The following CADM2 variants were observed in gnomAD, a reference collection of about 807,000 sequenced individuals.
The protein encoded by CADM2 is immunoglobulin superfamily member 4D.
In CADM2, 12 loss-of-function variants were observed where a neutral mutation model predicts 49.8. That is an observed-to-expected ratio of 0.24 (90% CI 0.15 to 0.39). CADM2 has a LOEUF of 0.39. Ranked by LOEUF, CADM2 falls within the 10% of genes least tolerant of loss-of-function variation. CADM2 has a pLI of 1.00. For synonymous variants in CADM2, 214 were observed against 175.4 expected (o/e 1.22, Z -1.74); for missense variants, 378 against 492.3 (o/e 0.77, Z 2.20).
In CADM2 at chr3:85,574,018, C is replaced by T. The variant is rs1223251497; in HGVS notation, c.62-152504C>T. Among the ~76,000 whole-genome samples the T allele has an allele frequency of 2.0e-5, 3 of 152,180 alleles. No individual in the cohort carries two copies. The East Asian group carries it at 5.8e-4, about 29-fold the overall frequency. On this transcript the variant is annotated intron_variant, in intron 1 of 9. Transcript: ENST00000383699. ...TTATTTCAGATTATGTCCAATGTAT[C>T]CATGAGACATTTCATCTGTCTCTCT... is the stretch of plus-strand genomic sequence containing the variant.
At chr3:85,677,304 A>C (rs1314766155) in intron 1 of CADM2, among the ~76,000 whole-genome samples, 1 of 152,146 alleles carries the variant, frequency 6.6e-6, no homozygotes, top group Non-Finnish European at 1.5e-5. Flanking sequence ...TACTTATGCC[A>C]AGTTTATGTT....
chr3:85,244,624 G>GT (rs2042608029), intron 1 of CADM2, among the ~76,000 whole-genome samples: 1 of 152,066 alleles, frequency 6.6e-6, no homozygotes, highest in South Asian at 2.1e-4. Context: ...GAGCAATAGC[G>GT]TAAGTATAAA....
intron 1 of CADM2, among the ~76,000 whole-genome samples, chr3:85,593,531 A>G (rs552828492): frequency 6.6e-6 from 1 of 152,150 alleles, no homozygotes; most frequent in East Asian, 1.9e-4. Context: ...TTCCAACTTA[A>G]GTGTGAACTA....
intron 5 of CADM2, among the ~76,000 whole-genome samples, chr3:85,909,923 G>T (rs191160687): frequency 2.0e-5 from 3 of 152,226 alleles, no homozygotes; most frequent in Non-Finnish European, 2.9e-5. Context: ...TATGAGAAAA[G>T]ATATTATGAT....
chr3:85,964,845 T>C (rs1394438475), intron 8 of CADM2, among the ~76,000 whole-genome samples: 1 of 151,784 alleles, frequency 6.6e-6, no homozygotes, highest in African/African-American at 2.4e-5. Context: ...AGCACAGTAG[T>C]TTCTATTTTC....
intron 1 of CADM2, among the ~76,000 whole-genome samples, chr3:85,120,200 G>A (rs907852269): frequency 1.3e-5 from 2 of 152,164 alleles, no homozygotes; most frequent in African/African-American, 2.4e-5. Flanking sequence ...TGCTGGAGAG[G>A]ATGTGGAGAA....
chr3:86,049,456 A>G (rs555283291), intron 8 of CADM2, among the ~76,000 whole-genome samples: 76 of 151,718 alleles, frequency 5.0e-4, no homozygotes, highest in African/African-American at 1.7e-3. Context: ...TTGTATTTTT[A>G]GTAGAGATGG....
chr3:85,567,172 T>TA (rs1284017807), intron 1 of CADM2, among the ~76,000 whole-genome samples: 1 of 152,172 alleles, frequency 6.6e-6, no homozygotes. Flanking sequence ...TTAAAGCACA[T>TA]AAAATCGCGT....
chr3:85,098,213 A>G (rs2037875312), intron 1 of CADM2, among the ~76,000 whole-genome samples: 1 of 151,850 alleles, frequency 6.6e-6, no homozygotes, highest in South Asian at 2.1e-4. Context: ...TACGGACTGA[A>G]TTCCCAGATT....
At chr3:85,029,019 T>C (rs1428356371) in intron 1 of CADM2, among the ~76,000 whole-genome samples, 1 of 151,970 alleles carries the variant, frequency 6.6e-6, no homozygotes, top group Non-Finnish European at 1.5e-5. Flanking sequence ...AACACGTATT[T>C]AATACTATTA....
intron 8 of CADM2, among the ~76,000 whole-genome samples, chr3:85,969,230 C>T (rs1725819421): frequency 6.6e-6 from 1 of 151,572 alleles, no homozygotes; most frequent in African/African-American, 2.4e-5. Flanking sequence ...AAGCCAAACC[C>T]TCATTGTCCT....
intron 1 of CADM2, among the ~76,000 whole-genome samples, chr3:85,374,748 C>G (rs915921007): frequency 6.6e-6 from 1 of 152,056 alleles, no homozygotes; most frequent in Non-Finnish European, 1.5e-5. Context: ...TGCAGAAAAA[C>G]TACCTTTTAT....
At chr3:85,292,430 C>T (rs2043826700) in intron 1 of CADM2, among the ~76,000 whole-genome samples, 1 of 151,408 alleles carries the variant, frequency 6.6e-6, no homozygotes, top group Non-Finnish European at 1.5e-5. Flanking sequence ...AGCTCTGCCC[C>T]AAGCAGACCT....
chr3:85,815,635 T>C (rs1355511131), intron 3 of CADM2, among the ~76,000 whole-genome samples: 1 of 152,148 alleles, frequency 6.6e-6, no homozygotes, highest in Non-Finnish European at 1.5e-5. Context: ...CCACAGCCAA[T>C]GTCATACTGA....
chr3:85,846,805 T>A (rs2074902016), intron 3 of CADM2, among the ~76,000 whole-genome samples: 3 of 152,240 alleles, frequency 2.0e-5, no homozygotes, highest in Admixed American at 2.0e-4. Context: ...AAGTCTGCAG[T>A]GAGCTATGAT....
intron 2 of CADM2, among the ~76,000 whole-genome samples, chr3:85,791,559 A>G (rs1326940141): frequency 1.3e-5 from 2 of 151,386 alleles, no homozygotes; most frequent in Non-Finnish European, 2.9e-5. Flanking sequence ...AGAGAGAGAG[A>G]GAGAGAGAGA....
At chr3:85,768,492 A>C (rs532705842) in intron 2 of CADM2, among the ~76,000 whole-genome samples, 1 of 73,824 alleles carries the variant, frequency 1.4e-5, no homozygotes, top group Non-Finnish European at 2.2e-5. Context: ...AAATAAATTT[A>C]AAATACTTTT....
chr3:86,012,679 A>G (rs1731686633), intron 8 of CADM2: 3 of 1,313,772 alleles, frequency 2.3e-6, no homozygotes, highest in Non-Finnish European at 3.3e-6. Context: ...ATTGTAGGAG[A>G]GCTGACTTAG....
intron 1 of CADM2, among the ~76,000 whole-genome samples, chr3:85,584,873 G>A (rs1177492365): frequency 6.6e-6 from 1 of 151,926 alleles, no homozygotes; most frequent in Non-Finnish European, 1.5e-5. Flanking sequence ...CTAACTTCTT[G>A]TGGGAACTGA....
Sources: allele counts gnomAD v4.1 joint callset (sites outside exome capture counted in the v4.1 genomes callset), GRCh38; gene constraint gnomAD v4.1.1; transcripts MANE v1.5; gene names NCBI Gene and HGNC (gene_info 2026-07-23, HGNC 2026-07-21).